The following CDC14A variants were observed in gnomAD, a reference collection of about 807,000 sequenced individuals.
CDC14A encodes dual specificity protein phosphatase CDC14A.
CDC14A carries 53 observed loss-of-function variants against 74.4 expected under a neutral mutation model. The observed-to-expected ratio is 0.71, with a 90% CI of 0.57 to 0.89. CDC14A has a LOEUF of 0.89. CDC14A is among the 40% of genes least tolerant of loss of function. CDC14A has a pLI of 0.00. For synonymous variants in CDC14A, 247 were observed against 258.4 expected (o/e 0.96, Z 0.43); for missense variants, 646 against 713.7 (o/e 0.91, Z 1.08).
chr1:100,457,551 T>G (rs1666833812), intron 8 of CDC14A, among the ~76,000 whole-genome samples: 1 of 152,060 alleles, frequency 6.6e-6, no homozygotes, highest in Non-Finnish European at 1.5e-5. Flanking sequence ...CTTGAACTCC[T>G]GTCCTCAAAT....
chr1:100,384,286 T>C (rs973805485), intron 3 of CDC14A, among the ~76,000 whole-genome samples: 1 of 152,226 alleles, frequency 6.6e-6, no homozygotes, highest in African/African-American at 2.4e-5. Flanking sequence ...GGGGCAAAAC[T>C]TTGACTCTCA....
At chr1:100,406,842 C>T (rs1223438674) in intron 4 of CDC14A, among the ~76,000 whole-genome samples, 1 of 151,892 alleles carries the variant, frequency 6.6e-6, no homozygotes, top group Non-Finnish European at 1.5e-5. Context: ...AGGAGAATCA[C>T]CTGAACCCAG....
intron 3 of CDC14A, among the ~76,000 whole-genome samples, chr1:100,386,363 T>C (rs770542481): frequency 3.3e-5 from 5 of 152,220 alleles, no homozygotes; most frequent in Non-Finnish European, 7.3e-5. Flanking sequence ...TTTATTGGAA[T>C]TGACCAATTT....
At chr1:100,421,510 G>A (rs1662360629) in intron 4 of CDC14A, among the ~76,000 whole-genome samples, 1 of 152,184 alleles carries the variant, frequency 6.6e-6, no homozygotes. Context: ...CTATAAGGTA[G>A]AAAGTTCCTC....
chr1:100,506,933 T>C (rs571153600), intron 15 of CDC14A, among the ~76,000 whole-genome samples: 1 of 152,326 alleles, frequency 6.6e-6, no homozygotes, highest in East Asian at 1.9e-4. Flanking sequence ...CCTAGCACTT[T>C]AGGAGGCTAA....
intron 4 of CDC14A, among the ~76,000 whole-genome samples, chr1:100,420,082 A>ATATATATATATGTGT (rs58124351): frequency 1.9e-5 from 2 of 105,550 alleles, no homozygotes; most frequent in African/African-American, 6.7e-5. Context: ...ATATATATAT[A>ATATATATATATGTGT]GTGTGTATGT....
At chr1:100,367,155 A>C (rs1330827138) in intron 2 of CDC14A, among the ~76,000 whole-genome samples, 1 of 152,164 alleles carries the variant, frequency 6.6e-6, no homozygotes, top group Non-Finnish European at 1.5e-5. Context: ...TAGTCTCTGA[A>C]GTACTTATTT....
At chr1:100,430,545 A>G (rs1663532768) in intron 5 of CDC14A, among the ~76,000 whole-genome samples, 1 of 152,212 alleles carries the variant, frequency 6.6e-6, no homozygotes, top group African/African-American at 2.4e-5. Context: ...CAAAGGCTCA[A>G]AAGGGTCAAC....
At chr1:100,419,419 A>C (rs1661977354) in intron 4 of CDC14A, among the ~76,000 whole-genome samples, 1 of 152,208 alleles carries the variant, frequency 6.6e-6, no homozygotes, top group Admixed American at 6.5e-5. Flanking sequence ...GGTTAGCTTC[A>C]CCAGTAAAAG....
chr1:100,423,184 G>A (rs1035486633), intron 4 of CDC14A, among the ~76,000 whole-genome samples: 2 of 151,946 alleles, frequency 1.3e-5, no homozygotes, highest in Non-Finnish European at 2.9e-5. Context: ...GCTTTCTCCC[G>A]CCCCCTGTCC....
intron 4 of CDC14A, among the ~76,000 whole-genome samples, chr1:100,394,235 C>G (rs534876905): frequency 6.6e-6 from 1 of 152,174 alleles, no homozygotes; most frequent in African/African-American, 2.4e-5. Context: ...CTGCCTCAGC[C>G]CTCCCTAGAA....
intron 2 of CDC14A, among the ~76,000 whole-genome samples, chr1:100,376,174 G>A (rs1655234898): frequency 6.6e-6 from 1 of 152,046 alleles, no homozygotes. Flanking sequence ...ATGGGGGAGG[G>A]ATAGCATTGG....
chr1:100,453,203 G>A (rs184352109), intron 7 of CDC14A, among the ~76,000 whole-genome samples: 1 of 152,010 alleles, frequency 6.6e-6, no homozygotes, highest in Non-Finnish European at 1.5e-5. Flanking sequence ...GTGAATGAAT[G>A]TATCTTAGGG....
chr1:100,459,957 T>C (rs1313380866), intron 8 of CDC14A, among the ~76,000 whole-genome samples: 2 of 152,216 alleles, frequency 1.3e-5, no homozygotes, highest in East Asian at 3.8e-4. Flanking sequence ...GTTCTCTTAT[T>C]TGGAGTCTTA....
chr1:100,484,588 C>A, intron 11 of CDC14A, 137 bp downstream of exon 11: 2 of 1,272,834 alleles, frequency 1.6e-6, no homozygotes, highest in East Asian at 3.1e-5. Flanking sequence ...AGCCATCCGT[C>A]TATATAGCAA....
At chr1:100,387,480 C>T (rs1657042878) in intron 3 of CDC14A, among the ~76,000 whole-genome samples, 1 of 152,144 alleles carries the variant, frequency 6.6e-6, no homozygotes, top group Non-Finnish European at 1.5e-5. Context: ...AAAGTAAATG[C>T]TAGCAGCTTT....
At chr1:100,485,089 C>T (rs1419275271) in intron 11 of CDC14A, 1 of 985,240 alleles carries the variant, frequency 1.0e-6, no homozygotes, top group African/African-American at 1.7e-5. Context: ...ATATCACACC[C>T]TGTTACCTCT....
chr1:100,350,096 T>C (rs1650799756), upstream of CDC14A, among the ~76,000 whole-genome samples: 1 of 152,070 alleles, frequency 6.6e-6, no homozygotes, highest in Non-Finnish European at 1.5e-5. Flanking sequence ...GGATTACAGG[T>C]GTGTGCCACC....
At chr1:100,349,138 A>G (rs1570921321), upstream of CDC14A, among the ~76,000 whole-genome samples, 1 of 152,088 alleles carries the variant, frequency 6.6e-6, no homozygotes, top group East Asian at 1.9e-4. Flanking sequence ...GGAGGTTGCA[A>G]TGAGCCCAGA....
Sources: allele counts gnomAD v4.1 joint callset (sites outside exome capture counted in the v4.1 genomes callset), GRCh38; gene constraint gnomAD v4.1.1; transcripts MANE v1.5; gene names NCBI Gene and HGNC (gene_info 2026-07-23, HGNC 2026-07-21).